Variants in ADAM12 observed in about 807,000 individuals in gnomAD.
The protein encoded by ADAM12 is disintegrin and metalloproteinase domain-containing protein 12.
ADAM12 carries 70 observed loss-of-function variants against 106.4 expected under a neutral mutation model. The ratio of observed to expected loss-of-function variants is 0.66; its 90% CI spans 0.54 to 0.80. ADAM12 has a LOEUF of 0.80. Ranked by LOEUF, ADAM12 falls within the 30% of genes least tolerant of loss-of-function variation. The probability of loss-of-function intolerance (pLI) is 0.00; values close to 1 mark genes in which losing one functional copy is unlikely to be tolerated. For synonymous variants in ADAM12, 420 were observed against 433.5 expected (o/e 0.97, Z 0.39); for missense variants, 1,010 against 1,171.9 (o/e 0.86, Z 2.02).
chr10:126,330,762 G>A (rs1242059252), intron 1 of ADAM12, among the ~76,000 whole-genome samples: 4 of 152,176 alleles, frequency 2.6e-5, no homozygotes, highest in Non-Finnish European at 4.4e-5. Context: ...ATGTGCTGGG[G>A]TATTATCATA....
chr10:126,110,812 T>C (rs1955855413), intron 6 of ADAM12, among the ~76,000 whole-genome samples: 1 of 152,124 alleles, frequency 6.6e-6, no homozygotes, highest in Non-Finnish European at 1.5e-5. Flanking sequence ...AAAGCAAACA[T>C]TAAAAACAAA....
Position 126,166,927 on chromosome 10 carries a change from T to A in ADAM12, c.261-11622A>T, listed in dbSNP as rs568867319. ...GATAAACGATTACTTCCACTGACAG[T>A]AAAGCCCCACGCCCACTTCTCTCAG... On this transcript the variant is annotated intron_variant, in intron 3 of 22. Coordinates refer to ENST00000448723, the MANE Select transcript of ADAM12 (RefSeq NM_001288973.2). 9.2e-5 allele frequency among the ~76,000 whole-genome samples: 14 copies of A among 152,322 alleles called. No individual in the cohort carries two copies. In the South Asian group the frequency reaches 2.7e-3, roughly 29 times the overall value.
intron 3 of ADAM12, among the ~76,000 whole-genome samples, chr10:126,205,289 G>T (rs1957775276): frequency 6.6e-6 from 1 of 150,814 alleles, no homozygotes; most frequent in South Asian, 2.1e-4. Flanking sequence ...GTTTGAGTTG[G>T]TTTTCTGTCA....
intron 11 of ADAM12, among the ~76,000 whole-genome samples, chr10:126,072,972 G>A (rs1472541881): frequency 6.6e-6 from 1 of 152,172 alleles, no homozygotes; most frequent in Non-Finnish European, 1.5e-5. Context: ...TGAATTTTGA[G>A]ATCATGCTGA....
At chr10:126,141,714 T>C (rs1163963982) in intron 4 of ADAM12, among the ~76,000 whole-genome samples, 1 of 152,204 alleles carries the variant, frequency 6.6e-6, no homozygotes, top group Non-Finnish European at 1.5e-5. Flanking sequence ...AGGCATTTTA[T>C]ATGCTTAAGT....
chr10:126,306,794 C>T (rs1234424761), intron 2 of ADAM12, among the ~76,000 whole-genome samples: 1 of 152,128 alleles, frequency 6.6e-6, no homozygotes, highest in Non-Finnish European at 1.5e-5. Context: ...TAGATTTTCT[C>T]TTGGACTTTG....
At chr10:126,346,916 C>T (rs1331572633) in intron 1 of ADAM12, among the ~76,000 whole-genome samples, 1 of 152,180 alleles carries the variant, frequency 6.6e-6, no homozygotes, top group African/African-American at 2.4e-5. Context: ...CTATGTGTGT[C>T]TCTGCACATG....
chr10:126,333,115 TA>T (rs1200470901), intron 1 of ADAM12, among the ~76,000 whole-genome samples: 5 of 152,336 alleles, frequency 3.3e-5, no homozygotes, highest in African/African-American at 1.2e-4. Flanking sequence ...GAAAGTCAGC[TA>T]AAACTGTCAA....
At chr10:126,181,228 T>G (rs1356962026) in intron 3 of ADAM12, among the ~76,000 whole-genome samples, 1 of 152,020 alleles carries the variant, frequency 6.6e-6, no homozygotes, top group Non-Finnish European at 1.5e-5. Context: ...CATACCACCA[T>G]GCTCAGCTAA....
At chr10:126,204,742 TTCATGAAG>T (rs1026598982) in intron 3 of ADAM12, among the ~76,000 whole-genome samples, 3 of 152,192 alleles carry the variant, frequency 2.0e-5, no homozygotes, top group African/African-American at 7.2e-5. Context: ...GGACTGCACA[TTCATGAAG>T]GTGGCCCTAT....
intron 5 of ADAM12, among the ~76,000 whole-genome samples, chr10:126,127,910 C>G (rs1483397589): frequency 6.6e-6 from 1 of 151,988 alleles, no homozygotes. Flanking sequence ...GGCAGCACCA[C>G]GCATGTGGCG....
In ADAM12 at chr10:126,375,711, AC is replaced by A. The variant is rs1171636261; in HGVS notation, c.88+12346del. ...TTCATTAAAGTTAAAAAAAAAAAAA[AC>A]AAGGAGACTAGCAATCACTTCTTCT... is the stretch of plus-strand genomic sequence containing the variant. On this transcript the variant is annotated intron_variant, in intron 1 of 22. Coordinates refer to ENST00000448723, the MANE Select transcript of ADAM12 (RefSeq NM_001288973.2). 6.0e-4 allele frequency among the ~76,000 whole-genome samples: 78 copies of A among 129,520 alleles called. 1 individual carries two copies. The highest frequency in any genetic ancestry group is 4.7e-3 in the East Asian group (17 of 3,618). The allele number at this position is 129,520 out of a possible 152,430, so 85.0% of individuals were successfully genotyped here.
intron 4 of ADAM12, among the ~76,000 whole-genome samples, chr10:126,152,589 A>C (rs1674908): frequency 1.3e-5 from 2 of 150,672 alleles, no homozygotes; most frequent in African/African-American, 4.9e-5. Flanking sequence ...CTTTTTTTTT[A>C]ATTAAGATTT....
intron 18 of ADAM12, 74 bp from the exon 19 acceptor site, chr10:126,039,503 T>G: frequency 3.2e-6 from 5 of 1,583,642 alleles, no homozygotes; most frequent in Non-Finnish European, 4.3e-6. Context: ...GTTGTGACGT[T>G]TATGGCAAAG....
chr10:126,289,837 T>C (rs1960066627), intron 2 of ADAM12, among the ~76,000 whole-genome samples: 1 of 152,150 alleles, frequency 6.6e-6, no homozygotes, highest in Non-Finnish European at 1.5e-5. Flanking sequence ...TGGACCTCAG[T>C]TTTCTTACAA....
intron 21 of ADAM12, among the ~76,000 whole-genome samples, chr10:126,022,727 A>G (rs11244772): frequency 0.23 from 34,782 of 152,232 alleles, 5,002 homozygotes; most frequent in Non-Finnish European, 0.32. Flanking sequence ...AATGACTCTA[A>G]GCAGATTGCT....
chr10:126,380,988 A>G (rs982440323), intron 1 of ADAM12, among the ~76,000 whole-genome samples: 7 of 151,876 alleles, frequency 4.6e-5, no homozygotes, highest in Admixed American at 6.6e-5. Flanking sequence ...TCATTACAGC[A>G]TCATCTACAC....
At chr10:126,068,649 C>T (rs1374608381) in intron 12 of ADAM12, among the ~76,000 whole-genome samples, 2 of 152,230 alleles carry the variant, frequency 1.3e-5, no homozygotes, top group Non-Finnish European at 2.9e-5. Context: ...AAGGCTTCAG[C>T]AATCAACCTG....
chr10:126,086,680 A>AATATATATATATATATATAT (rs1210379675), intron 11 of ADAM12, among the ~76,000 whole-genome samples: 40 of 24,140 alleles, frequency 1.7e-3, no homozygotes, highest in Middle Eastern at 0.038. Flanking sequence ...AAAAAAAAAA[A>AATATATATATATATATATAT]ATATATATAT....
Sources: gnomAD v4.1 joint callset for allele counts (sites outside exome capture counted in the v4.1 genomes callset) on GRCh38, gnomAD v4.1.1 for gene constraint, MANE v1.5 for transcripts, NCBI Gene and HGNC (gene_info 2026-07-23, HGNC 2026-07-21) for gene names.